The following TBC1D8 variants were observed in gnomAD, a reference collection of about 807,000 sequenced individuals.
TBC1D8 encodes the protein BUB2-like protein 1.
A neutral mutation model predicts 118.8 loss-of-function variants in TBC1D8; 65 were observed. The observed-to-expected ratio is 0.55, with a 90% CI of 0.45 to 0.67. TBC1D8 has a LOEUF of 0.67. Among genes scored for constraint, TBC1D8 ranks in the 30% least tolerant of loss-of-function variants. The probability of loss-of-function intolerance (pLI) is 0.00; values close to 1 mark genes in which losing one functional copy is unlikely to be tolerated. For missense variants in TBC1D8, 1,376 were observed against 1,471.2 expected, an observed-to-expected ratio of 0.94 and a Z score of 1.06; for synonymous variants, 566 against 595.8, an observed-to-expected ratio of 0.95 and a Z score of 0.73.
At chr2:101,069,447 G>A (rs868344431) in intron 2 of TBC1D8, among the ~76,000 whole-genome samples, 3 of 152,008 alleles carry the variant, frequency 2.0e-5, no homozygotes, top group Admixed American at 1.3e-4. Context: ...TTTGCCGGGC[G>A]TGGTGGTGCT....
intron 11 of TBC1D8, chr2:101,030,105 T>C (rs901543211): frequency 5.5e-6 from 1 of 183,356 alleles, no homozygotes; most frequent in African/African-American, 2.3e-5. Flanking sequence ...ACTGTAAAAT[T>C]TTTAGAAGAG....
At chr2:101,047,171 C>T (rs555275868) in intron 5 of TBC1D8, among the ~76,000 whole-genome samples, 11 of 152,314 alleles carry the variant, frequency 7.2e-5, no homozygotes, top group East Asian at 3.9e-4. Flanking sequence ...GCCTCCCCTG[C>T]GCCCTGTGAG....
intron 15 of TBC1D8, 49 bp downstream of exon 15, chr2:101,027,334 T>C: frequency 6.3e-7 from 1 of 1,576,658 alleles, no homozygotes. Context: ...GCACCGCGGC[T>C]CAGGCCAGCT....
At chr2:101,095,125 TCACCGTGAAGA>T (rs571725933) in intron 1 of TBC1D8, among the ~76,000 whole-genome samples, 58 of 152,260 alleles carry the variant, frequency 3.8e-4, no homozygotes, top group African/African-American at 1.3e-3. Flanking sequence ...CGCCAGGTTC[TCACCGTGAAGA>T]GCCAGGGAAG....
At position 101,050,454 on chromosome 2, in the gene TBC1D8, A is replaced by G. The variant is rs1490721043; in HGVS notation, c.819T>C (p.Asn273=). 1.9e-6 allele frequency: 3 copies of G among 1,613,824 alleles called. No individual in the cohort carries two copies. The highest frequency in any genetic ancestry group is 1.3e-5 in the African/African-American group (1 of 74,936). Residue 273 remains asparagine, a synonymous_variant, in exon 5 of 20, where the codon AAT becomes AAC. Transcript: ENST00000409318. The part of the protein sequence containing the change: ...ADVTLRRLLD[N]EVFDLDPDLQ... ...GATCGGGGTCGAGGTCAAAGACCTCATTATCCAGCAGCCTTCGCAGCGTCA... is the reference window on the plus strand; with the variant it reads ...GATCGGGGTCGAGGTCAAAGACCTCGTTATCCAGCAGCCTTCGCAGCGTCA...
rs551523629 is a variant in TBC1D8 at position 101,028,826 on chromosome 2, T to C, written c.2223-394A>G. ...CCCTCACTGCTGCTCACTAGCCTTA[T>C]GCAGAAAATGTCTGCAACCTCTAGC... On this transcript the variant is annotated intron_variant, in intron 12 of 19. Transcript: ENST00000409318. Among the ~76,000 whole-genome samples the C allele has an allele frequency of 2.1e-4, 32 of 152,316 alleles. No individual in the cohort carries two copies. In the East Asian group the frequency reaches 4.8e-3, roughly 23 times the overall value.
At chr2:101,146,561 G>A (rs1679325691) in intron 1 of TBC1D8, among the ~76,000 whole-genome samples, 3 of 152,124 alleles carry the variant, frequency 2.0e-5, no homozygotes, top group African/African-American at 7.2e-5. Context: ...GTTATTTAGA[G>A]TAATGTTTAT....
In TBC1D8 at chr2:101,007,662, G is replaced by T; in HGVS notation, c.*159C>A. ...TTCTCAATACATAGAAATGCTTGAGGGTTGTGTCGGTTCCCCTGGCCACAG... is the reference window on the plus strand; with the variant it reads ...TTCTCAATACATAGAAATGCTTGAGTGTTGTGTCGGTTCCCCTGGCCACAG... On this transcript the variant is annotated 3_prime_UTR_variant, in exon 20 of 20. Coordinates refer to ENST00000409318, the MANE Select transcript of TBC1D8 (RefSeq NM_001330348.2). 2 of 702,110 alleles carry T rather than the reference G, an allele frequency of 2.8e-6. No homozygotes were observed. Among genetic ancestry groups the T allele is most frequent in the East Asian group, 2.5e-5 (1 of 39,496 alleles). 43.5% of individuals were successfully genotyped at this position (702,110 alleles called of 1,614,324 possible).
intron 1 of TBC1D8, among the ~76,000 whole-genome samples, chr2:101,127,830 G>T (rs1678420907): frequency 6.6e-6 from 1 of 152,166 alleles, no homozygotes; most frequent in African/African-American, 2.4e-5. Flanking sequence ...GTCCTGCTCG[G>T]AGCTCTTCCC....
chr2:101,138,599 T>C (rs1678961088), intron 1 of TBC1D8, among the ~76,000 whole-genome samples: 1 of 152,164 alleles, frequency 6.6e-6, no homozygotes, highest in Non-Finnish European at 1.5e-5. Context: ...CCGGGATGGC[T>C]CACAGAAACA....
At chr2:101,047,205 C>A (rs1681763875) in intron 5 of TBC1D8, among the ~76,000 whole-genome samples, 1 of 152,320 alleles carries the variant, frequency 6.6e-6, no homozygotes, top group South Asian at 2.1e-4. Context: ...GACTCCCACG[C>A]CTGGCAACTC....
At position 101,028,074 on chromosome 2, in the gene TBC1D8, G is replaced by A. The variant is rs368937689; in HGVS notation, c.2425C>T (p.His809Tyr). The A allele has an allele frequency of 6.2e-7, 1 of 1,613,994 alleles. No homozygotes were observed. The highest frequency in any genetic ancestry group is 8.5e-7 in the Non-Finnish European group (1 of 1,179,904). ...YKHRIRVLQGHEDTTKQNVLR... is the reference protein window; with the variant it reads ...YKHRIRVLQGYEDTTKQNVLR... ...ACGTTCTGCTTTGTGGTGTCCTCGT[G>A]GCCTTGGAGGACCCTGATCCTGTGC... Residue 809 changes from histidine to tyrosine, a missense_variant, in exon 14 of 20, where the codon CAC becomes TAC. Physicochemically the swap from His to Tyr is moderately conservative, Grantham distance 83. Transcript: ENST00000409318.
At chr2:101,093,211 G>C (rs542294320) in intron 1 of TBC1D8, among the ~76,000 whole-genome samples, 1 of 152,214 alleles carries the variant, frequency 6.6e-6, no homozygotes, top group African/African-American at 2.4e-5. Flanking sequence ...TATCAGTAAG[G>C]CTTCTAGTTA....
intron 1 of TBC1D8, among the ~76,000 whole-genome samples, chr2:101,124,516 T>C (rs1210473405): frequency 6.6e-6 from 1 of 152,166 alleles, no homozygotes; most frequent in East Asian, 1.9e-4. Flanking sequence ...AAAAACCTGC[T>C]GTTAATACAG....
chr2:101,135,127 G>A (rs992318519), intron 1 of TBC1D8, among the ~76,000 whole-genome samples: 5 of 152,114 alleles, frequency 3.3e-5, no homozygotes, highest in Non-Finnish European at 7.4e-5. Context: ...AGCCGAGATC[G>A]CGCCACTGCA....
chr2:101,054,337 C>T lies in TBC1D8; in HGVS notation c.403-1G>A, dbSNP rs756346695. ...TGCTGGTCTCCTCGGCTATCAGAGC[C>T]TGACACACAGAGATGACAGTCCCTG... is the stretch of plus-strand genomic sequence containing the variant. On this transcript the variant is annotated splice_acceptor_variant, in intron 3 of 19. Transcript: ENST00000409318. LOFTEE classifies it high-confidence loss of function. 5 of 1,557,284 alleles carry T rather than the reference C, an allele frequency of 3.2e-6. No individual in the cohort carries two copies. Among genetic ancestry groups the T allele is most frequent in the Non-Finnish European group, 4.3e-6 (5 of 1,150,066 alleles).
At chr2:101,030,333 G>A (rs1680595175) in intron 11 of TBC1D8, among the ~76,000 whole-genome samples, 1 of 152,110 alleles carries the variant, frequency 6.6e-6, no homozygotes, top group Non-Finnish European at 1.5e-5. Context: ...TAGTAAGAAG[G>A]TAACAACCAA....
rs987959555 is a variant in TBC1D8, at chr2:101,032,323, C to G, written c.1881G>C (p.Leu627=). ...GCATCCGCTCACACACAGCAACCAA[C>G]AGCCAGAAGGCTTCCTCCTCCTTGG... The part of the protein sequence containing the change: ...LYTKEEEAFW[L]LVAVCERMLP... Residue 627 remains leucine, a synonymous_variant, in exon 11 of 20, where the codon CTG becomes CTC. Transcript: ENST00000409318. 9 of 1,613,780 alleles carry G rather than the reference C, an allele frequency of 5.6e-6. No individual in the cohort carries two copies. Among genetic ancestry groups the G allele is most frequent in the Middle Eastern group, 1.6e-4 (1 of 6,082 alleles).
intron 12 of TBC1D8, 71 bp downstream of exon 12, chr2:101,029,420 G>A (rs1048783064): frequency 2.9e-4 from 419 of 1,435,078 alleles, no homozygotes; most frequent in Non-Finnish European, 3.5e-4. Context: ...CTTCCCCACC[G>A]ATAGCCCTGC....
Sources: allele counts gnomAD v4.1 joint callset (sites outside exome capture counted in the v4.1 genomes callset), GRCh38; gene constraint gnomAD v4.1.1; transcripts MANE v1.5; gene names NCBI Gene and HGNC (gene_info 2026-07-23, HGNC 2026-07-21).